ARHGAP5: variants seen among roughly 807,000 people sequenced by gnomAD.
ARHGAP5 encodes the protein rho GTPase-activating protein 5.
A neutral mutation model predicts 116.6 loss-of-function variants in ARHGAP5; 23 were observed. That is an observed-to-expected ratio of 0.20 (90% CI 0.14 to 0.28). ARHGAP5 has a LOEUF of 0.28. Ranked by LOEUF, ARHGAP5 falls within the 10% of genes least tolerant of loss-of-function variation. The probability of loss-of-function intolerance (pLI) is 1.00; values close to 1 mark genes in which losing one functional copy is unlikely to be tolerated. For missense variants in ARHGAP5, 1,405 were observed against 1,774.8 expected, an observed-to-expected ratio of 0.79 and a Z score of 3.74; for synonymous variants, 574 against 602.0, an observed-to-expected ratio of 0.95 and a Z score of 0.68.
chr14:32,082,774 A>G (rs1270005535), intron 1 of ARHGAP5, among the ~76,000 whole-genome samples: 1 of 152,220 alleles, frequency 6.6e-6, no homozygotes, highest in African/African-American at 2.4e-5. Context: ...TCCTGACCTC[A>G]AGTGATCTGC....
chr14:32,077,459 C>T (rs770761999), intron 1 of ARHGAP5, 24 bp downstream of exon 1: 4 of 694,242 alleles, frequency 5.8e-6, no homozygotes, highest in South Asian at 1.5e-5. Flanking sequence ...GACCCCGCTC[C>T]TCCAAGCCTG....
intron 1 of ARHGAP5, among the ~76,000 whole-genome samples, chr14:32,081,658 G>A (rs1479319645): frequency 1.3e-5 from 2 of 151,400 alleles, no homozygotes; most frequent in Non-Finnish European, 2.9e-5. Flanking sequence ...AAGGGGTGAT[G>A]TAGAAATAAA....
At position 32,154,873 on chromosome 14, in the gene ARHGAP5, A is replaced by G. The variant is rs1594403403; in HGVS notation, c.4434A>G (p.Pro1478=). 1 of 1,614,090 alleles carries G rather than the reference A, an allele frequency of 6.2e-7. No homozygotes were observed. Among genetic ancestry groups the G allele is most frequent in the Non-Finnish European group, 8.5e-7 (1 of 1,179,954 alleles). The part of the protein sequence containing the change: ...NPGQLVEPMV[P]LQLPPPLQPQ... ...GACAGTTGGTGGAACCAATGGTGCC[A>G]CTTCAGTTGCCGCCACCATTGCAAC... The change falls in exon 7 of 7, where the codon CCA becomes CCG. Residue 1478 remains proline, a synonymous_variant. Transcript: ENST00000345122.
At chr14:32,124,543 A>G (rs1037863692) in intron 3 of ARHGAP5, among the ~76,000 whole-genome samples, 2 of 152,218 alleles carry the variant, frequency 1.3e-5, no homozygotes, top group Non-Finnish European at 2.9e-5. Context: ...GGAGTTAATA[A>G]GGATGATAAA....
At chr14:32,147,380 C>T (rs1489826145) in intron 4 of ARHGAP5, among the ~76,000 whole-genome samples, 1 of 152,090 alleles carries the variant, frequency 6.6e-6, no homozygotes, top group East Asian at 1.9e-4. Context: ...CAGAAGAGAG[C>T]AACCAATAAA....
At chr14:32,139,746 G>C (rs1013434619) in intron 3 of ARHGAP5, among the ~76,000 whole-genome samples, 2 of 150,498 alleles carry the variant, frequency 1.3e-5, no homozygotes, top group African/African-American at 4.9e-5. Context: ...GCTAGCTTTA[G>C]GTTTAGCTTT....
chr14:32,123,634 G>A (rs564366644), intron 3 of ARHGAP5, among the ~76,000 whole-genome samples: 2 of 151,920 alleles, frequency 1.3e-5, no homozygotes, highest in East Asian at 3.9e-4. Flanking sequence ...ACATTATTTA[G>A]TCTTCTGAAT....
rs767225867 is a variant in ARHGAP5 at position 32,077,327 on chromosome 14, T to TGGA, written c.-268_-266dup. ...CCGAGGAAGAGAGGCGAGCGGAGAG[T>TGGA]GGAGGAGGAGGCGGCGGCGGCGGGA... On this transcript the variant is annotated 5_prime_UTR_variant, in exon 1 of 7. Transcript: ENST00000345122. The TGGA allele has an allele frequency of 8.6e-6, 5 of 583,116 alleles. No homozygotes were observed. Among genetic ancestry groups the TGGA allele is most frequent in the Admixed American group, 2.2e-5 (1 of 45,470 alleles). 36.1% of individuals were successfully genotyped at this position (583,116 alleles called of 1,614,324 possible). A position where few individuals can be genotyped will look rare whatever the true frequency, so the allele number is the denominator to read the frequency against.
rs111417972 is a variant in ARHGAP5 at position 32,137,308 on chromosome 14, C to G, written c.3866-8955C>G. 2.1e-3 allele frequency among the ~76,000 whole-genome samples: 319 copies of G among 150,540 alleles called. 1 individual carries two copies. The highest frequency in any genetic ancestry group is 7.5e-3 in the African/African-American group (304 of 40,804). On this transcript the variant is annotated intron_variant, in intron 3 of 6. Coordinates refer to ENST00000345122, the MANE Select transcript of ARHGAP5 (RefSeq NM_001030055.2). ...ATGTGGATATTCGCCTGTCTCTGCA[C>G]TATTTATTGCGAAGAGTATCCTTTT...
At chr14:32,110,946 T>A (rs900735675) in intron 2 of ARHGAP5, among the ~76,000 whole-genome samples, 2 of 152,210 alleles carry the variant, frequency 1.3e-5, no homozygotes, top group Non-Finnish European at 2.9e-5. Context: ...ATAGATTACA[T>A]TTTAAGGAAA....
chr14:32,116,462 G>C (rs1879598403), intron 2 of ARHGAP5, among the ~76,000 whole-genome samples: 3 of 150,652 alleles, frequency 2.0e-5, no homozygotes, highest in Admixed American at 2.0e-4. Context: ...GCGTGGTGGT[G>C]GGCGCCTGTA....
At chr14:32,105,488 T>TTA (rs942290964) in intron 2 of ARHGAP5, among the ~76,000 whole-genome samples, 3 of 150,770 alleles carry the variant, frequency 2.0e-5, no homozygotes, top group African/African-American at 7.3e-5. Context: ...TTTTTTTTTT[T>TTA]AAAAAAAAGA....
chr14:32,089,005 A>C (rs114967569), intron 1 of ARHGAP5, among the ~76,000 whole-genome samples: 2,249 of 152,026 alleles, frequency 0.015, 47 homozygotes, highest in African/African-American at 0.051. Flanking sequence ...TTGTATTGCC[A>C]CTTCAATATA....
At chr14:32,083,869 C>T (rs150342238) in intron 1 of ARHGAP5, among the ~76,000 whole-genome samples, 20 of 152,316 alleles carry the variant, frequency 1.3e-4, no homozygotes, top group Non-Finnish European at 2.1e-4. Flanking sequence ...GGAAGGTGAA[C>T]TACCAAGCCA....
Position 32,152,343 on chromosome 14 carries a change from G to A in ARHGAP5, c.4076-80G>A, listed in dbSNP as rs943733362. ...TTTAAACACATTCTTGACTGTTATAGTAAATATAGCAGGAAGCTTTATCAA... is the reference window on the plus strand; with the variant it reads ...TTTAAACACATTCTTGACTGTTATAATAAATATAGCAGGAAGCTTTATCAA... On this transcript the variant is annotated intron_variant, in intron 5 of 6. Coordinates refer to ENST00000345122, the MANE Select transcript of ARHGAP5 (RefSeq NM_001030055.2). 5 of 939,852 alleles carry A rather than the reference G, an allele frequency of 5.3e-6. No individual in the cohort carries two copies. In the African/African-American group the frequency reaches 6.8e-5, roughly 13 times the overall value. 58.2% of individuals were successfully genotyped at this position (939,852 alleles called of 1,614,324 possible).
chr14:32,135,296 CTT>C (rs1766303987), intron 3 of ARHGAP5, among the ~76,000 whole-genome samples: 1 of 152,204 alleles, frequency 6.6e-6, no homozygotes, highest in South Asian at 2.1e-4. Context: ...ATGAAGGTAA[CTT>C]AGAGAAGCTG....
Position 32,093,359 on chromosome 14 carries a change from T to C in ARHGAP5, c.2690T>C (p.Ile897Thr). Residue 897 changes from isoleucine (I) to threonine (T), a missense_variant, in exon 2 of 7, where the codon ATC becomes ACC. Ile to Thr is a moderately conservative substitution (Grantham distance 89). Around this residue, in one of 6 missense-constraint regions of ARHGAP5, gnomAD observed 944 missense variants for 1,095.3 expected, o/e 0.86. Coordinates refer to ENST00000345122, the MANE Select transcript of ARHGAP5 (RefSeq NM_001030055.2). The stretch of plus-strand genomic sequence containing the variant: ...GCAGATTTTTTTGAAAATGAGGCTA[T>C]CAAAGAGTTAATGACTGAAGGAGAA... The part of the protein sequence containing the change: ...SQADFFENEA[I>T]KELMTEGEHI... 6.2e-7 allele frequency: 1 copy of C among 1,613,986 alleles called. No homozygotes were observed. The highest frequency in any genetic ancestry group is 8.5e-7 in the Non-Finnish European group (1 of 1,179,944).
At chr14:32,152,078 G>T (rs1881660055) in intron 5 of ARHGAP5, among the ~76,000 whole-genome samples, 1 of 152,120 alleles carries the variant, frequency 6.6e-6, no homozygotes, top group Admixed American at 6.5e-5. Context: ...GATTAGGTGC[G>T]GCATTAGATT....
intron 3 of ARHGAP5, among the ~76,000 whole-genome samples, chr14:32,120,487 T>G (rs911143195): frequency 6.6e-6 from 1 of 151,984 alleles, no homozygotes; most frequent in African/African-American, 2.4e-5. Context: ...GTTAGACCAG[T>G]TTTCTTTTCT....
Sources: allele counts gnomAD v4.1 joint callset (sites outside exome capture counted in the v4.1 genomes callset), GRCh38; gene constraint gnomAD v4.1.1; regional missense constraint gnomAD v4.1.1; transcripts MANE v1.5; gene names NCBI Gene and HGNC (gene_info 2026-07-23, HGNC 2026-07-21).